The following CHN1 variants were observed in gnomAD, a reference collection of about 807,000 sequenced individuals.
The protein encoded by CHN1 is chimerin 1.
A neutral mutation model predicts 59.5 loss-of-function variants in CHN1; 37 were observed. The observed-to-expected ratio is 0.62, with a 90% CI of 0.48 to 0.82. CHN1 has a LOEUF of 0.82. Ranked by LOEUF, CHN1 falls within the 40% of genes least tolerant of loss-of-function variation. The probability of loss-of-function intolerance (pLI) is 0.00; values close to 1 mark genes in which losing one functional copy is unlikely to be tolerated. For missense variants in CHN1, 469 were observed against 571.0 expected, an observed-to-expected ratio of 0.82 and a Z score of 1.82; for synonymous variants, 206 against 200.4, an observed-to-expected ratio of 1.03 and a Z score of -0.24.
At position 174,961,559 on chromosome 2, in the gene CHN1, C is replaced by A. The variant is rs188904651; in HGVS notation, c.20-9357G>T. ...TGAGGTGAGATTGCGCCATTGCACT[C>A]CAGCCTGGGCAAAAAGAGTGAAACT... is the stretch of plus-strand genomic sequence containing the variant. On this transcript the variant is annotated intron_variant, in intron 1 of 12. Transcript: ENST00000409900. 1.8e-3 allele frequency among the ~76,000 whole-genome samples: 268 copies of A among 150,898 alleles called. 1 individual carries two copies. The highest frequency in any genetic ancestry group is 6.2e-3 in the African/African-American group (256 of 41,072).
At chr2:174,890,918 T>C (rs149202366) in intron 5 of CHN1, among the ~76,000 whole-genome samples, 6 of 151,726 alleles carry the variant, frequency 4.0e-5, no homozygotes, top group Non-Finnish European at 5.9e-5. Context: ...CAGATATCAA[T>C]AGCAGTAGAA....
intron 11 of CHN1, among the ~76,000 whole-genome samples, chr2:174,808,393 C>T (rs1684969992): frequency 6.6e-6 from 1 of 152,234 alleles, no homozygotes; most frequent in Admixed American, 6.5e-5. Flanking sequence ...AAGCAATTCT[C>T]CTGCCTCAGC....
At chr2:174,997,129 A>G (rs1440319686) in intron 1 of CHN1, among the ~76,000 whole-genome samples, 1 of 152,244 alleles carries the variant, frequency 6.6e-6, no homozygotes, top group Non-Finnish European at 1.5e-5. Flanking sequence ...CACTCACTAA[A>G]TATTCATCAG....
intron 5 of CHN1, among the ~76,000 whole-genome samples, chr2:174,898,876 A>C (rs1688299274): frequency 6.6e-6 from 1 of 152,216 alleles, no homozygotes; most frequent in Non-Finnish European, 1.5e-5. Context: ...GAAGTCCCTA[A>C]AATATTCCCG....
At chr2:174,858,339 T>C (rs1005723992) in intron 6 of CHN1, among the ~76,000 whole-genome samples, 3 of 152,210 alleles carry the variant, frequency 2.0e-5, no homozygotes, top group African/African-American at 7.2e-5. Flanking sequence ...TATTGATTCA[T>C]GGTATAAAGC....
At chr2:174,908,658 A>T (rs1171316862) in intron 5 of CHN1, among the ~76,000 whole-genome samples, 1 of 152,216 alleles carries the variant, frequency 6.6e-6, no homozygotes, top group African/African-American at 2.4e-5. Context: ...TCTACCTTTA[A>T]GAGCTAGCTT....
intron 3 of CHN1, among the ~76,000 whole-genome samples, chr2:174,938,094 T>A (rs151335099): frequency 2.6e-3 from 400 of 152,238 alleles, no homozygotes; most frequent in Non-Finnish European, 4.7e-3. Context: ...TCCTCCCGCC[T>A]CAACCTCCCA....
chr2:174,990,114 T>C, intron 1 of CHN1, among the ~76,000 whole-genome samples: 1 of 152,128 alleles, frequency 6.6e-6, no homozygotes, highest in Non-Finnish European at 1.5e-5. Context: ...TTGAGCTGAA[T>C]AAGGTCTCAT....
intron 6 of CHN1, among the ~76,000 whole-genome samples, chr2:174,866,960 G>A (rs936519147): frequency 2.2e-4 from 34 of 151,444 alleles, no homozygotes; most frequent in African/African-American, 2.7e-4. Context: ...GCTTTTTAGC[G>A]CATTAAATAT....
chr2:174,952,047 TTTAAA>T (rs1255286331), intron 2 of CHN1, 112 bp downstream of exon 2: 6 of 633,464 alleles, frequency 9.5e-6, no homozygotes, highest in South Asian at 7.5e-5. Flanking sequence ...CCAAACCTTG[TTTAAA>T]TTAATTTTTC....
intron 1 of CHN1, among the ~76,000 whole-genome samples, chr2:174,964,155 T>C (rs1690520883): frequency 6.6e-6 from 1 of 152,162 alleles, no homozygotes; most frequent in African/African-American, 2.4e-5. Context: ...CTAGAAGGGT[T>C]AACAGTAGTG....
chr2:174,947,687 T>C (rs1199326297), intron 2 of CHN1, among the ~76,000 whole-genome samples: 1 of 152,094 alleles, frequency 6.6e-6, no homozygotes, highest in African/African-American at 2.4e-5. Context: ...TTTCACCATC[T>C]TGCCCAGGCT....
intron 3 of CHN1, among the ~76,000 whole-genome samples, chr2:174,930,462 A>T (rs1485481668): frequency 6.6e-6 from 1 of 152,194 alleles, no homozygotes; most frequent in Non-Finnish European, 1.5e-5. Flanking sequence ...AAAAGCAGGC[A>T]TGAGCTCCGT....
At chr2:174,994,137 G>C (rs1180490198) in intron 1 of CHN1, among the ~76,000 whole-genome samples, 2 of 152,162 alleles carry the variant, frequency 1.3e-5, no homozygotes, top group Admixed American at 1.3e-4. Flanking sequence ...TAATGAAGTG[G>C]AATTTGTTAT....
Position 174,823,391 on chromosome 2 carries a change from C to T in CHN1, c.712+1043G>A, listed in dbSNP as rs373171879. Among the ~76,000 whole-genome samples, 58 of 152,238 alleles carry T rather than the reference C, an allele frequency of 3.8e-4. 1 individual carries two copies. In the South Asian group the frequency reaches 8.1e-3, roughly 21 times the overall value. ...AATTTAGAGTAGTTTGGGCTGGGTG[C>T]GGTGGCTCACGCCTGTAATCCCAGC... On this transcript the variant is annotated intron_variant, in intron 8 of 12. Coordinates refer to ENST00000409900, the MANE Select transcript of CHN1 (RefSeq NM_001822.7).
chr2:174,926,948 C>T (rs371429279), intron 3 of CHN1, among the ~76,000 whole-genome samples: 5 of 151,908 alleles, frequency 3.3e-5, no homozygotes, highest in South Asian at 4.2e-4. Flanking sequence ...TTAGTAGAGA[C>T]GGGGTTTCAC....
At chr2:174,972,935 CTAATA>C (rs1690804749) in intron 1 of CHN1, among the ~76,000 whole-genome samples, 7 of 152,140 alleles carry the variant, frequency 4.6e-5, no homozygotes, top group Admixed American at 3.9e-4. Flanking sequence ...TGAAAAGTTC[CTAATA>C]TAATCACTGA....
At chr2:174,986,176 T>C (rs985769524) in intron 1 of CHN1, among the ~76,000 whole-genome samples, 1 of 152,144 alleles carries the variant, frequency 6.6e-6, no homozygotes, top group Non-Finnish European at 1.5e-5. Flanking sequence ...GTAATGAAGC[T>C]TGAGAATCTG....
chr2:174,988,129 C>A (rs942556310), intron 1 of CHN1, among the ~76,000 whole-genome samples: 9 of 151,968 alleles, frequency 5.9e-5, no homozygotes, highest in African/African-American at 2.2e-4. Context: ...GGAGCCAAGG[C>A]GGGCGGATCA....
Sources: allele counts gnomAD v4.1 joint callset (sites outside exome capture counted in the v4.1 genomes callset), GRCh38; gene constraint gnomAD v4.1.1; transcripts MANE v1.5; gene names NCBI Gene and HGNC (gene_info 2026-07-23, HGNC 2026-07-21).